KCNQ1: variants seen among roughly 807,000 people sequenced by gnomAD.
KCNQ1 encodes the protein potassium voltage-gated channel subfamily KQT member 1.
A neutral mutation model predicts 72.4 loss-of-function variants in KCNQ1; 49 were observed. The observed-to-expected ratio is 0.68, with a 90% CI of 0.54 to 0.86. KCNQ1 has a LOEUF of 0.86. KCNQ1 is among the 40% of genes least tolerant of loss of function. The pLI is 0.00. For missense variants in KCNQ1, 790 were observed against 945.1 expected (o/e 0.84, Z 2.15); for synonymous variants, 450 against 412.6 (o/e 1.09, Z -1.10).
At chr11:2,696,254 A>G in intron 11 of KCNQ1, 1 of 398,648 alleles carries the variant, frequency 2.5e-6, no homozygotes, top group Non-Finnish European at 4.4e-6. Flanking sequence ...TTTTGCTTTC[A>G]AATATTTAGT....
At chr11:2,747,597 C>G (rs573436384) in intron 11 of KCNQ1, among the ~76,000 whole-genome samples, 188 of 152,302 alleles carry the variant, frequency 1.2e-3, no homozygotes, top group African/African-American at 4.4e-3. Context: ...CAAGAAACAA[C>G]CTGTTCCCTG....
rs1261530725 is a variant in KCNQ1, at chr11:2,848,534, C to G, written c.*531C>G. 1.5e-5 allele frequency: 7 copies of G among 454,694 alleles called. No individual in the cohort carries two copies. Among genetic ancestry groups the G allele is most frequent in the Non-Finnish European group, 3.1e-5 (7 of 227,106 alleles). 28.2% of individuals were successfully genotyped at this position (454,694 alleles called of 1,614,324 possible). A position where few individuals can be genotyped will look rare whatever the true frequency, so the allele number is the denominator to read the frequency against. On this transcript the variant is annotated 3_prime_UTR_variant, in exon 16 of 16. Transcript: ENST00000155840. ...TTGGAGGGCCTGGGCCTGGCTCCCT[C>G]ACTCTCAGGAAATGCTGACCCATGG... is the stretch of plus-strand genomic sequence containing the variant.
At chr11:2,721,362 C>T (rs1321254725) in intron 11 of KCNQ1, among the ~76,000 whole-genome samples, 4 of 152,196 alleles carry the variant, frequency 2.6e-5, no homozygotes, top group East Asian at 1.9e-4. Context: ...GCTAATAAGC[C>T]GACTCCCGCT....
rs794728521 is a variant in KCNQ1 at position 2,583,524 on chromosome 11, C to T, written c.1011C>T (p.Ile337=). 2 of 1,613,600 alleles carry T rather than the reference C, an allele frequency of 1.2e-6. No homozygotes were observed. Among genetic ancestry groups the T allele is most frequent in the Admixed American group, 1.7e-5 (1 of 60,014 alleles). ...TIASCFSVFA[I]SFFALPAGIL... ...CCTCCTGCTTCTCTGTCTTTGCCAT[C>T]TCCTTCTTTGCGCTCCCAGCGGTAG... is the stretch of plus-strand genomic sequence containing the variant. Residue 337 remains isoleucine, a synonymous_variant, in exon 7 of 16, where the codon ATC becomes ATT. Coordinates refer to ENST00000155840, the MANE Select transcript of KCNQ1 (RefSeq NM_000218.3).
In KCNQ1 at chr11:2,563,214, G is replaced by A. The variant is rs1345128203; in HGVS notation, c.478-7414G>A. ...AAAATCTTCGCTATGTTGGAGATTC[G>A]CCGGCTGATAAAAGCAAAACAATAG... On this transcript the variant is annotated intron_variant, in intron 2 of 15. Coordinates refer to ENST00000155840, the MANE Select transcript of KCNQ1 (RefSeq NM_000218.3). The surrounding 1 kb of genome is among the most constrained non-coding windows in gnomAD (Gnocchi z 7.4). 1.3e-5 allele frequency among the ~76,000 whole-genome samples: 2 copies of A among 152,206 alleles called. No individual in the cohort carries two copies. Among genetic ancestry groups the A allele is most frequent in the South Asian group, 2.1e-4 (1 of 4,810 alleles).
intron 2 of KCNQ1, among the ~76,000 whole-genome samples, chr11:2,552,056 C>T (rs1402959799): frequency 6.6e-6 from 1 of 152,102 alleles, no homozygotes; most frequent in African/African-American, 2.4e-5. Context: ...ATTTTCTTAA[C>T]AGGATCTTTC....
chr11:2,632,642 T>G, intron 10 of KCNQ1: 1 of 398,386 alleles, frequency 2.5e-6, no homozygotes, highest in Non-Finnish European at 4.4e-6. Flanking sequence ...ATTCATCAAC[T>G]CAAATATCAT....
chr11:2,693,000 G>A, intron 11 of KCNQ1: 1 of 398,644 alleles, frequency 2.5e-6, no homozygotes, highest in African/African-American at 2.1e-5. Flanking sequence ...AGCCTCATAA[G>A]CAAGCACGCT....
At position 2,668,099 on chromosome 11, in the gene KCNQ1, T is replaced by A; in HGVS notation, c.1514+6018T>A. On this transcript the variant is annotated intron_variant, in intron 11 of 15. Coordinates refer to ENST00000155840, the MANE Select transcript of KCNQ1 (RefSeq NM_000218.3). The surrounding 1 kb of genome is among the most constrained non-coding windows in gnomAD (Gnocchi z 4.3). ...AACTCATACACCTTTGTGTCCAATG[T>A]CCCTCACTCAATTTGATGTCTGGCA... The A allele has an allele frequency of 2.5e-6, 1 of 398,614 alleles. No homozygotes were observed. The allele number at this position is 398,614 out of a possible 1,614,324, so 24.7% of individuals were successfully genotyped here.
chr11:2,692,434 T>G (rs1010449373), intron 11 of KCNQ1: 53 of 398,560 alleles, frequency 1.3e-4, no homozygotes, highest in African/African-American at 1.0e-3. Context: ...TTTCAAAGTT[T>G]AGAGACCTGT....
chr11:2,489,084 C>A (rs1846789794), intron 1 of KCNQ1, among the ~76,000 whole-genome samples: 2 of 152,174 alleles, frequency 1.3e-5, no homozygotes, highest in South Asian at 4.1e-4. Context: ...TTCATAAGAA[C>A]CAAAATTCAG....
At chr11:2,792,565 G>A (rs574180582) in intron 15 of KCNQ1, among the ~76,000 whole-genome samples, 2 of 152,170 alleles carry the variant, frequency 1.3e-5, no homozygotes, top group Non-Finnish European at 2.9e-5. Context: ...CCAGGAAAAG[G>A]TCTGTGCGGG....
chr11:2,511,780 T>C (rs1847208960), intron 1 of KCNQ1, among the ~76,000 whole-genome samples: 1 of 152,230 alleles, frequency 6.6e-6, no homozygotes. Flanking sequence ...CGGAAGGTTC[T>C]CTGGGAGCTG....
Position 2,645,846 on chromosome 11 carries a change from G to C in KCNQ1, c.1394-16115G>C. The C allele has an allele frequency of 5.0e-6, 2 of 398,634 alleles. No individual in the cohort carries two copies. The highest frequency in any genetic ancestry group is 8.8e-6 in the Non-Finnish European group (2 of 226,124). The allele number at this position is 398,634 out of a possible 1,614,324, so 24.7% of individuals were successfully genotyped here. A position where few individuals can be genotyped will look rare whatever the true frequency, so the allele number is the denominator to read the frequency against. Reference sequence around the variant, plus strand: ...TCCTGAAGTTGCCTGAGGATTCAGGGGATGTGTGAATTGCCTGAGGATTCA... The same window carrying C: ...TCCTGAAGTTGCCTGAGGATTCAGGCGATGTGTGAATTGCCTGAGGATTCA... On this transcript the variant is annotated intron_variant, in intron 10 of 15. Transcript: ENST00000155840. This position sits in a 1 kb window ranked among gnomAD's most constrained non-coding sequence, Gnocchi z 5.8.
rs1489085751 is a variant in KCNQ1, at chr11:2,526,462, C to T, written c.387-1466C>T. Among the ~76,000 whole-genome samples, 8 of 152,040 alleles carry T rather than the reference C, an allele frequency of 5.3e-5. No homozygotes were observed. Among genetic ancestry groups the T allele is most frequent in the African/African-American group, 1.7e-4 (7 of 41,476 alleles). ...GGGAGGGAGGAACCCAGGGAGGGGG[C>T]CTGAGCAGGGTCTTTGGCTGAGTGA... is the stretch of plus-strand genomic sequence containing the variant. On this transcript the variant is annotated intron_variant, in intron 1 of 15. Coordinates refer to ENST00000155840, the MANE Select transcript of KCNQ1 (RefSeq NM_000218.3). This position sits in a 1 kb window ranked among gnomAD's most constrained non-coding sequence, Gnocchi z 6.1.
chr11:2,445,544 G>T, intron 1 of KCNQ1, 60 bp downstream of exon 1: 1 of 1,551,540 alleles, frequency 6.4e-7, no homozygotes, highest in Non-Finnish European at 8.7e-7. Flanking sequence ...TGGTGTGGGG[G>T]AGCTCTGTCC....
At chr11:2,638,735 G>A (rs1849521041) in intron 10 of KCNQ1, 1 of 152,152 alleles carries the variant, frequency 6.6e-6, no homozygotes, top group South Asian at 2.1e-4. Flanking sequence ...TTGCTAGGTT[G>A]GGGAAGTTCT....
Position 2,447,002 on chromosome 11 carries a change from T to C in KCNQ1, c.386+1518T>C, listed in dbSNP as rs1846048581. Among the ~76,000 whole-genome samples the C allele has an allele frequency of 1.3e-5, 2 of 152,192 alleles. No homozygotes were observed. The highest frequency in any genetic ancestry group is 4.8e-5 in the African/African-American group (2 of 41,440). ...CTCCCGGACCCCAGACTCTCTGAGA[T>C]GTCCAAGGGTGGGAAGACCTCCTCA... On this transcript the variant is annotated intron_variant, in intron 1 of 15. Coordinates refer to ENST00000155840, the MANE Select transcript of KCNQ1 (RefSeq NM_000218.3). This position sits in a 1 kb window ranked among gnomAD's most constrained non-coding sequence, Gnocchi z 7.6.
chr11:2,580,980 G>A (rs967656181), intron 6 of KCNQ1, among the ~76,000 whole-genome samples: 2 of 152,244 alleles, frequency 1.3e-5, no homozygotes, highest in East Asian at 1.9e-4. Flanking sequence ...GCATTGGCAG[G>A]GGCTGCGCCA....
Sources: allele counts gnomAD v4.1 joint callset (sites outside exome capture counted in the v4.1 genomes callset), GRCh38; gene constraint gnomAD v4.1.1; non-coding constraint Gnocchi (gnomAD v3.1); transcripts MANE v1.5; gene names NCBI Gene and HGNC (gene_info 2026-07-23, HGNC 2026-07-21).